The following TUSC3 variants were observed in gnomAD, a reference collection of about 807,000 sequenced individuals.
TUSC3 encodes the protein dolichyl-diphosphooligosaccharide--protein glycosyltransferase subunit TUSC3.
A neutral mutation model predicts 44.8 loss-of-function variants in TUSC3; 45 were observed. That is an observed-to-expected ratio of 1.00 (90% CI 0.79 to 1.29). The LOEUF is 1.29. TUSC3 is among the 50% of genes most tolerant of loss of function. The pLI, the probability that TUSC3 is intolerant of heterozygous loss-of-function variation, is 0.00. For missense variants in TUSC3, 519 were observed against 437.9 expected, an observed-to-expected ratio of 1.19 and a Z score of -1.65; for synonymous variants, 212 against 152.9, an observed-to-expected ratio of 1.39 and a Z score of -2.85.
chr8:15,602,266 T>C (rs915228320), intron 1 of TUSC3, among the ~76,000 whole-genome samples: 5 of 151,712 alleles, frequency 3.3e-5, no homozygotes, highest in African/African-American at 9.7e-5. Context: ...TATTTTCTTA[T>C]TGCCTGTTGT....
the TUSC3 span, among the ~76,000 whole-genome samples, chr8:15,793,852 G>C: frequency 6.6e-5 from 10 of 152,192 alleles, no homozygotes; most frequent in Admixed American, 2.6e-4. Context: ...AGAATCATGG[G>C]AAGGAACATT....
In TUSC3 at chr8:15,612,981, C is replaced by G. The variant is rs1169389812; in HGVS notation, c.139-10099C>G. Among the ~76,000 whole-genome samples, 3 of 151,404 alleles carry G rather than the reference C, an allele frequency of 2.0e-5. 1 individual carries two copies. Among genetic ancestry groups the G allele is most frequent in the Non-Finnish European group, 4.4e-5 (3 of 67,870 alleles). ...ACAGAAACAATATATTCTTTACCAT[C>G]CCTTCCTGAGTTGGCACTAAGCCGT... On this transcript the variant is annotated intron_variant, in intron 1 of 10. Coordinates refer to ENST00000503731, the MANE Select transcript of TUSC3 (RefSeq NM_006765.4).
the TUSC3 span, among the ~76,000 whole-genome samples, chr8:15,793,288 C>T: frequency 6.6e-6 from 1 of 152,148 alleles, no homozygotes; most frequent in Non-Finnish European, 1.5e-5. Flanking sequence ...CAAGTCCCTA[C>T]AATAACTACA....
chr8:15,559,609 A>G lies in TUSC3; in HGVS notation c.138+19041A>G, dbSNP rs989683943. ...TCTAATGTTGACGGTGGGGTGCTAAAGTCTCCCATTATTAATGTGTGGGAG... is the reference window on the plus strand; with the variant it reads ...TCTAATGTTGACGGTGGGGTGCTAAGGTCTCCCATTATTAATGTGTGGGAG... On this transcript the variant is annotated intron_variant, in intron 1 of 10. Transcript: ENST00000503731. Among the ~76,000 whole-genome samples the G allele has an allele frequency of 3.9e-4, 54 of 139,626 alleles. 8 individuals are homozygous for G. In the Middle Eastern group the frequency reaches 0.019, roughly 50 times the overall value. The allele number at this position is 139,626 out of a possible 152,430, so 91.6% of individuals were successfully genotyped here.
chr8:15,556,210 T>C (rs1439893281), intron 1 of TUSC3, among the ~76,000 whole-genome samples: 1 of 132,498 alleles, frequency 7.5e-6, no homozygotes. Flanking sequence ...CCTGTGTCCA[T>C]GTGATCTCAT....
rs535289274 is a variant in TUSC3 at position 15,533,250 on chromosome 8, G to T, written n.189+49767G>T. 1.2e-4 allele frequency among the ~76,000 whole-genome samples: 18 copies of T among 152,236 alleles called. 1 individual carries two copies. The South Asian group carries it at 2.9e-3, about 25-fold the overall frequency. On this transcript the variant is annotated intron_variant and non_coding_transcript_variant, in intron 2 of 5. Transcript: ENST00000503191. ...GTCCATTAAACCTCTTTTTCTTCCCGGTCTTGGGTATATCTTTATCAGCAG... is the reference window on the plus strand; with the variant it reads ...GTCCATTAAACCTCTTTTTCTTCCCTGTCTTGGGTATATCTTTATCAGCAG...
chr8:15,657,636 C>T (rs933399935), intron 3 of TUSC3, among the ~76,000 whole-genome samples: 7 of 152,214 alleles, frequency 4.6e-5, no homozygotes, highest in East Asian at 1.9e-4. Context: ...TCTCTAGAAT[C>T]ACCCTCAGTG....
the TUSC3 span, among the ~76,000 whole-genome samples, chr8:15,804,746 T>G: frequency 6.6e-6 from 1 of 152,174 alleles, no homozygotes; most frequent in Non-Finnish European, 1.5e-5. Context: ...ACTTTGAAGT[T>G]GGGTATTGTG....
intron 1 of TUSC3, among the ~76,000 whole-genome samples, chr8:15,598,038 A>T (rs1027193912): frequency 2.0e-5 from 3 of 152,026 alleles, no homozygotes; most frequent in African/African-American, 7.2e-5. Flanking sequence ...TGTTGTTTCT[A>T]GATTCAACGT....
At chr8:15,589,517 G>A (rs1409870968) in intron 1 of TUSC3, among the ~76,000 whole-genome samples, 1 of 152,084 alleles carries the variant, frequency 6.6e-6, no homozygotes, top group Non-Finnish European at 1.5e-5. Flanking sequence ...GTTAATAGTA[G>A]CTAATTACAA....
downstream of TUSC3, among the ~76,000 whole-genome samples, chr8:15,771,230 C>T (rs1812434928): frequency 6.6e-6 from 1 of 152,172 alleles, no homozygotes; most frequent in Non-Finnish European, 1.5e-5. Flanking sequence ...TACCATAAAA[C>T]ATGCTTCAGC....
At position 15,470,864 on chromosome 8, in the gene TUSC3, C is replaced by T. The variant is rs562383595; in HGVS notation, n.92-12522C>T. On this transcript the variant is annotated intron_variant and non_coding_transcript_variant, in intron 1 of 5. Transcript: ENST00000503191. ...GGGTGTGAGTGGCTCTGTGATAGGA[C>T]GGTGGCCTGGCCAGGGCTGGTTCCT... is the stretch of plus-strand genomic sequence containing the variant. Among the ~76,000 whole-genome samples the T allele has an allele frequency of 1.3e-3, 204 of 152,142 alleles. 1 individual carries two copies. Among genetic ancestry groups the T allele is most frequent in the African/African-American group, 4.5e-3 (187 of 41,500 alleles).
intron 1 of TUSC3, among the ~76,000 whole-genome samples, chr8:15,462,711 G>A (rs552188899): frequency 6.6e-6 from 1 of 152,224 alleles, no homozygotes; most frequent in South Asian, 2.1e-4. Context: ...CTATGTGGTG[G>A]TACTGATATC....
chr8:15,503,294 C>G (rs1385915304), intron 2 of TUSC3, among the ~76,000 whole-genome samples: 1 of 152,122 alleles, frequency 6.6e-6, no homozygotes, highest in Non-Finnish European at 1.5e-5. Context: ...AAGAAACTAA[C>G]CCTGCCGCCT....
At chr8:15,759,651 C>T (rs1339452610) in intron 10 of TUSC3, among the ~76,000 whole-genome samples, 2 of 152,022 alleles carry the variant, frequency 1.3e-5, no homozygotes, top group Non-Finnish European at 2.9e-5. Context: ...TTTTAGTTGA[C>T]AAGCCCCTCT....
the TUSC3 span, among the ~76,000 whole-genome samples, chr8:15,813,044 A>C: frequency 6.6e-6 from 1 of 152,302 alleles, no homozygotes; most frequent in South Asian, 2.1e-4. Flanking sequence ...CAGTGAGCTG[A>C]GATCGCGCCA....
intron 1 of TUSC3, among the ~76,000 whole-genome samples, chr8:15,557,692 G>T (rs28880095): frequency 0.4 from 45,932 of 115,308 alleles, 13,527 homozygotes; most frequent in Non-Finnish European, 0.51. Context: ...AGCAGTGGTT[G>T]GTAGTTCTCC....
chr8:15,560,336 C>G lies in TUSC3; in HGVS notation c.138+19768C>G, dbSNP rs1415220343. On this transcript the variant is annotated intron_variant, in intron 1 of 10. Coordinates refer to ENST00000503731, the MANE Select transcript of TUSC3 (RefSeq NM_006765.4). ...TAAGAATGTTGAATATTGGCCCCCA[C>G]TCTCTTCTGGCTTGTAGGGTTTCTG... Among the ~76,000 whole-genome samples the G allele has an allele frequency of 1.8e-3, 258 of 139,508 alleles. 18 individuals carry two copies. Among genetic ancestry groups the G allele is most frequent in the African/African-American group, 6.6e-3 (250 of 38,054 alleles). The allele number at this position is 139,508 out of a possible 152,430, so 91.5% of individuals were successfully genotyped here.
At chr8:15,713,710 T>C (rs1809951656) in intron 6 of TUSC3, among the ~76,000 whole-genome samples, 1 of 152,064 alleles carries the variant, frequency 6.6e-6, no homozygotes. Flanking sequence ...TGATCTTTTT[T>C]TTATAAAGAT....
Sources: gnomAD v4.1 joint callset for allele counts (sites outside exome capture counted in the v4.1 genomes callset) on GRCh38, gnomAD v4.1.1 for gene constraint, MANE v1.5 for transcripts, NCBI Gene and HGNC (gene_info 2026-07-23, HGNC 2026-07-21) for gene names.